PTPRD: variants seen among roughly 807,000 people sequenced by gnomAD.
The protein encoded by PTPRD is protein tyrosine phosphatase receptor type D, also known as receptor-type tyrosine-protein phosphatase delta.
A neutral mutation model predicts 214.5 loss-of-function variants in PTPRD; 34 were observed. The ratio of observed to expected loss-of-function variants is 0.16; its 90% CI spans 0.12 to 0.21. The LOEUF is 0.21. PTPRD is among the 10% of genes least tolerant of loss of function. PTPRD has a pLI of 1.00. For missense variants in PTPRD, 2,545 were observed against 2,398.7 expected (o/e 1.06, Z -1.27); for synonymous variants, 1,128 against 845.7 (o/e 1.33, Z -5.79).
chr9:8,804,646 T>C (rs750578974), intron 11 of PTPRD, among the ~76,000 whole-genome samples: 16 of 138,498 alleles, frequency 1.2e-4, no homozygotes, highest in Non-Finnish European at 2.4e-4. Context: ...AAAAAATATA[T>C]ATGTATCTCC....
chr9:9,236,383 G>C (rs1051777367), intron 9 of PTPRD, among the ~76,000 whole-genome samples: 1 of 151,956 alleles, frequency 6.6e-6, no homozygotes, highest in Non-Finnish European at 1.5e-5. Context: ...ATAAAAGCTA[G>C]CCTTAGATAC....
intron 14 of PTPRD, among the ~76,000 whole-genome samples, chr9:8,581,474 C>T (rs546946919): frequency 1.3e-4 from 20 of 152,264 alleles, no homozygotes; most frequent in African/African-American, 3.6e-4. Flanking sequence ...CGGGGCCGGG[C>T]GCAGTGGCTC....
chr9:10,237,883 T>A (rs79702631), intron 3 of PTPRD, among the ~76,000 whole-genome samples: 5,143 of 151,954 alleles, frequency 0.034, 235 homozygotes, highest in East Asian at 0.21. Context: ...ATAGATAAAA[T>A]CTTATATTAG....
At chr9:10,092,101 C>G (rs1213300402) in intron 3 of PTPRD, among the ~76,000 whole-genome samples, 5 of 151,442 alleles carry the variant, frequency 3.3e-5, no homozygotes, top group African/African-American at 9.7e-5. Flanking sequence ...TGCCAGAGTT[C>G]CATGCAACGA....
chr9:8,512,282 C>A (rs1035234441), intron 21 of PTPRD, among the ~76,000 whole-genome samples: 8 of 151,924 alleles, frequency 5.3e-5, no homozygotes, highest in African/African-American at 1.9e-4. Flanking sequence ...ATATCATTGA[C>A]AAAATAAGTA....
chr9:9,540,070 A>G (rs1032786441), intron 8 of PTPRD, among the ~76,000 whole-genome samples: 14 of 151,872 alleles, frequency 9.2e-5, no homozygotes, highest in African/African-American at 3.4e-4. Flanking sequence ...AAAGTTATTA[A>G]TTATACAAAG....
intron 12 of PTPRD, among the ~76,000 whole-genome samples, chr9:8,714,915 C>G (rs558606963): frequency 1.1e-3 from 164 of 151,976 alleles, no homozygotes; most frequent in African/African-American, 3.5e-3. Flanking sequence ...TAATTTAGAG[C>G]CCCCTAGAAT....
intron 7 of PTPRD, among the ~76,000 whole-genome samples, chr9:9,653,998 A>C (rs1033385727): frequency 2.6e-5 from 4 of 152,128 alleles, no homozygotes; most frequent in Non-Finnish European, 5.9e-5. Context: ...CTTCACTTAG[A>C]ATATGATGAA....
At chr9:10,126,468 T>C (rs1591809690) in intron 3 of PTPRD, among the ~76,000 whole-genome samples, 1 of 150,386 alleles carries the variant, frequency 6.6e-6, no homozygotes, top group Non-Finnish European at 1.5e-5. Flanking sequence ...CACACATTGA[T>C]ATATATATAT....
At chr9:8,544,377 C>A (rs754558876) in intron 14 of PTPRD, among the ~76,000 whole-genome samples, 1 of 147,962 alleles carries the variant, frequency 6.8e-6, no homozygotes, top group Admixed American at 6.7e-5. Flanking sequence ...CCAACGCACC[C>A]GGTCGCCATT....
chr9:9,895,992 G>A (rs746056327), intron 5 of PTPRD, among the ~76,000 whole-genome samples: 7 of 152,042 alleles, frequency 4.6e-5, no homozygotes, highest in Non-Finnish European at 1.0e-4. Context: ...GGTAGCTAAA[G>A]GGTCCGTTTG....
intron 5 of PTPRD, among the ~76,000 whole-genome samples, chr9:9,936,283 G>C (rs1361741583): frequency 2.0e-5 from 3 of 151,296 alleles, no homozygotes; most frequent in South Asian, 4.2e-4. Context: ...CCATCAGAGT[G>C]AACAGGCAAC....
chr9:9,772,429 T>C (rs1003511020), intron 5 of PTPRD, among the ~76,000 whole-genome samples: 6 of 152,160 alleles, frequency 3.9e-5, no homozygotes, highest in Non-Finnish European at 8.8e-5. Context: ...TACACAAATA[T>C]GCGACGGGTA....
chr9:9,846,592 C>T (rs2059573391), intron 5 of PTPRD, among the ~76,000 whole-genome samples: 1 of 152,010 alleles, frequency 6.6e-6, no homozygotes, highest in African/African-American at 2.4e-5. Context: ...AAAGAGTTAC[C>T]AGACGAGTTT....
intron 9 of PTPRD, among the ~76,000 whole-genome samples, chr9:9,376,464 A>G (rs192129088): frequency 6.6e-6 from 1 of 152,174 alleles, no homozygotes; most frequent in Non-Finnish European, 1.5e-5. Flanking sequence ...ATTGACCTAC[A>G]TAGTGTTTAG....
At chr9:10,506,263 A>G (rs12003561) in intron 2 of PTPRD, among the ~76,000 whole-genome samples, 2,728 of 152,282 alleles carry the variant, frequency 0.018, 40 homozygotes, top group African/African-American at 0.04. Flanking sequence ...GTGCAAAAAT[A>G]GTATGAAGAA....
chr9:8,470,297 C>G (rs996515288), intron 31 of PTPRD, among the ~76,000 whole-genome samples: 1 of 152,090 alleles, frequency 6.6e-6, no homozygotes, highest in Non-Finnish European at 1.5e-5. Context: ...GTAATTATGT[C>G]TTGTTCTTCA....
chr9:10,509,268 T>C (rs915647590), intron 2 of PTPRD, among the ~76,000 whole-genome samples: 3 of 151,966 alleles, frequency 2.0e-5, no homozygotes, highest in Non-Finnish European at 2.9e-5. Context: ...CCTTCAGTTT[T>C]AATTGAGGTT....
chr9:9,884,407 G>C (rs1283468199), intron 5 of PTPRD, among the ~76,000 whole-genome samples: 1 of 152,094 alleles, frequency 6.6e-6, no homozygotes, highest in African/African-American at 2.4e-5. Flanking sequence ...CCTCTTCTCA[G>C]ATTCTATCTC....
Sources: allele counts gnomAD v4.1 joint callset (sites outside exome capture counted in the v4.1 genomes callset), GRCh38; gene constraint gnomAD v4.1.1; transcripts MANE v1.5; gene names NCBI Gene and HGNC (gene_info 2026-07-23, HGNC 2026-07-21).